Variants in GULP1 observed in about 807,000 individuals in gnomAD.
GULP1 encodes GULP PTB domain containing engulfment adaptor 1.
A neutral mutation model predicts 40.9 loss-of-function variants in GULP1; 19 were observed. That is an observed-to-expected ratio of 0.46 (90% confidence interval 0.32 to 0.68). The LOEUF is 0.68. GULP1 is among the 30% of genes least tolerant of loss of function. GULP1 has a pLI of 0.03. For synonymous variants in GULP1, 119 were observed against 117.6 expected (o/e 1.01, Z -0.08); for missense variants, 312 against 362.2 (o/e 0.86, Z 1.12).
chr2:188,385,146 A>G (rs577791479), intron 2 of GULP1, among the ~76,000 whole-genome samples: 1 of 152,278 alleles, frequency 6.6e-6, no homozygotes, highest in South Asian at 2.1e-4. Flanking sequence ...GAGGTTCTCC[A>G]TGAGGACCCT....
chr2:188,561,446 C>T (rs987987254), intron 7 of GULP1, among the ~76,000 whole-genome samples: 3 of 152,168 alleles, frequency 2.0e-5, no homozygotes, highest in African/African-American at 7.2e-5. Flanking sequence ...AGTCTTCAGG[C>T]CCTCAGGTGC....
chr2:188,554,096 A>G (rs929671479), intron 7 of GULP1, among the ~76,000 whole-genome samples: 1 of 151,364 alleles, frequency 6.6e-6, no homozygotes, highest in Non-Finnish European at 1.5e-5. Context: ...CAAAGAACCA[A>G]TTTTTTGTTT....
chr2:188,521,799 G>A (rs1010463082), intron 4 of GULP1, among the ~76,000 whole-genome samples: 4 of 152,166 alleles, frequency 2.6e-5, no homozygotes, highest in South Asian at 2.1e-4. Flanking sequence ...AAAATTGGCC[G>A]GGTGTGGTGG....
chr2:188,493,955 C>T (rs2062656401), intron 4 of GULP1, among the ~76,000 whole-genome samples: 2 of 152,032 alleles, frequency 1.3e-5, no homozygotes, highest in African/African-American at 4.8e-5. Context: ...ACTCACCTTC[C>T]TGAATAGAAT....
intron 4 of GULP1, among the ~76,000 whole-genome samples, chr2:188,515,706 GACAC>G (rs58687237): frequency 0.041 from 5,990 of 145,380 alleles, 307 homozygotes; most frequent in African/African-American, 0.12. Flanking sequence ...TACACACACA[GACAC>G]ACACACACAC....
intron 2 of GULP1, among the ~76,000 whole-genome samples, chr2:188,386,310 G>A (rs1054930060): frequency 2.0e-5 from 3 of 152,104 alleles, no homozygotes; most frequent in Middle Eastern, 3.2e-3. Context: ...CATGAGAACA[G>A]CGTAGGAAAG....
intron 6 of GULP1, among the ~76,000 whole-genome samples, chr2:188,536,566 A>G (rs1688982351): frequency 6.6e-6 from 1 of 152,090 alleles, no homozygotes; most frequent in Non-Finnish European, 1.5e-5. Flanking sequence ...TTGTACCAGT[A>G]CCATGCTTTT....
chr2:188,478,227 T>C (rs1025984826), intron 3 of GULP1, among the ~76,000 whole-genome samples: 2 of 152,112 alleles, frequency 1.3e-5, no homozygotes, highest in Non-Finnish European at 2.9e-5. Flanking sequence ...GGTAGGAATT[T>C]AAATAACTAC....
At chr2:188,528,004 C>G (rs1313053213) in intron 5 of GULP1, among the ~76,000 whole-genome samples, 2 of 152,088 alleles carry the variant, frequency 1.3e-5, no homozygotes, top group East Asian at 1.9e-4. Flanking sequence ...AAAAGTTACT[C>G]TAGAAAATAA....
chr2:188,590,361 G>A (rs1703289975), intron 11 of GULP1: 1 of 152,052 alleles, frequency 6.6e-6, no homozygotes, highest in Non-Finnish European at 1.5e-5. Flanking sequence ...GTCTATGATG[G>A]CTTTTATTAT....
At chr2:188,591,850 A>G (rs1346283901) in intron 11 of GULP1, 1 of 151,896 alleles carries the variant, frequency 6.6e-6, no homozygotes, top group Admixed American at 6.6e-5. Context: ...TCTTTCGTAT[A>G]AAAAGCATAT....
intron 10 of GULP1, among the ~76,000 whole-genome samples, chr2:188,586,488 A>G (rs1702397753): frequency 6.6e-6 from 1 of 152,204 alleles, no homozygotes; most frequent in Non-Finnish European, 1.5e-5. Flanking sequence ...CTAAATTTTG[A>G]TTGATTGCCT....
intron 4 of GULP1, among the ~76,000 whole-genome samples, chr2:188,499,861 T>C (rs1408612489): frequency 1.8e-4 from 28 of 151,848 alleles, no homozygotes; most frequent in Admixed American, 1.8e-3. Flanking sequence ...TAAATCAACC[T>C]TCTGCATTGA....
At chr2:188,375,139 GTA>G (rs1448862736) in intron 1 of GULP1, among the ~76,000 whole-genome samples, 1 of 152,128 alleles carries the variant, frequency 6.6e-6, no homozygotes, top group East Asian at 1.9e-4. Flanking sequence ...AGACAAATTT[GTA>G]TATGTTTTTG....
intron 4 of GULP1, among the ~76,000 whole-genome samples, chr2:188,516,318 C>T (rs997614550): frequency 1.5e-4 from 23 of 152,046 alleles, no homozygotes; most frequent in African/African-American, 5.6e-4. Flanking sequence ...TACTTTCTTC[C>T]ATTATTGCTG....
chr2:188,412,135 A>G (rs2053973913), intron 2 of GULP1, among the ~76,000 whole-genome samples: 1 of 152,100 alleles, frequency 6.6e-6, no homozygotes, highest in South Asian at 2.1e-4. Flanking sequence ...GGGAGGCCTC[A>G]GGAAACTTAT....
chr2:188,324,697 T>C lies in GULP1; in HGVS notation c.-172+32531T>C, dbSNP rs925373026. Among the ~76,000 whole-genome samples, 4 of 151,992 alleles carry C rather than the reference T, an allele frequency of 2.6e-5. No homozygotes were observed. The East Asian group carries it at 7.7e-4, about 29-fold the overall frequency. Reference sequence around the variant, plus strand: ...ATGTATTATTTCAAGGGTTGAAATATCAATTTTATTTAGAAGTGTAGGCTC... The same window carrying C: ...ATGTATTATTTCAAGGGTTGAAATACCAATTTTATTTAGAAGTGTAGGCTC... On this transcript the variant is annotated intron_variant, in intron 1 of 11. Coordinates refer to ENST00000409830, the MANE Select transcript of GULP1 (RefSeq NM_016315.4).
intron 2 of GULP1, among the ~76,000 whole-genome samples, chr2:188,393,625 C>T (rs1268154207): frequency 6.6e-6 from 1 of 151,974 alleles, no homozygotes; most frequent in Admixed American, 6.6e-5. Context: ...TTGATCATTA[C>T]CTAGATACTT....
chr2:188,593,896 G>T (rs2153479669), intron 11 of GULP1, 44 bp from the exon 12 acceptor site: 2 of 1,043,058 alleles, frequency 1.9e-6, no homozygotes, highest in East Asian at 2.4e-5. Flanking sequence ...ATTTTATTTT[G>T]CTGTAAGCAT....
Sources: allele counts gnomAD v4.1 joint callset (sites outside exome capture counted in the v4.1 genomes callset), GRCh38; gene constraint gnomAD v4.1.1; transcripts MANE v1.5; gene names NCBI Gene and HGNC (gene_info 2026-07-23, HGNC 2026-07-21).